The following ZNF131 variants were observed in gnomAD, a reference collection of about 807,000 sequenced individuals.
ZNF131 encodes the protein zinc finger and BTB domain containing 35.
In ZNF131, 7 loss-of-function variants were observed where a neutral mutation model predicts 60.0. The ratio of observed to expected loss-of-function variants is 0.12; its 90% confidence interval spans 0.07 to 0.22. The LOEUF is 0.22. Ranked by LOEUF, ZNF131 falls within the 10% of genes least tolerant of loss-of-function variation. The probability of loss-of-function intolerance (pLI) is 1.00; values close to 1 mark genes in which losing one functional copy is unlikely to be tolerated. For missense variants in ZNF131, 493 were observed against 740.9 expected, an observed-to-expected ratio of 0.67 and a Z score of 3.88; for synonymous variants, 257 against 253.2, an observed-to-expected ratio of 1.01 and a Z score of -0.14.
intron 3 of ZNF131, among the ~76,000 whole-genome samples, chr5:43,126,206 G>A (rs1744527956): frequency 6.6e-6 from 1 of 152,164 alleles, no homozygotes; most frequent in Non-Finnish European, 1.5e-5. Flanking sequence ...TAATTTTGGA[G>A]TATGTCATGG....
intron 3 of ZNF131, among the ~76,000 whole-genome samples, chr5:43,130,264 C>CGAAAAAAAA (rs1745144986): frequency 1.5e-5 from 1 of 68,406 alleles, no homozygotes; most frequent in Non-Finnish European, 2.7e-5. Context: ...ACTCTGTCTC[C>CGAAAAAAAA]AAAAAAAAAA....
At chr5:43,144,872 C>T (rs1207598514) in intron 4 of ZNF131, among the ~76,000 whole-genome samples, 1 of 151,542 alleles carries the variant, frequency 6.6e-6, no homozygotes, top group Non-Finnish European at 1.5e-5. Context: ...TTGTTCATGG[C>T]AAAATTTTAC....
intron 4 of ZNF131, among the ~76,000 whole-genome samples, chr5:43,146,775 G>A (rs1316775312): frequency 1.3e-5 from 2 of 151,982 alleles, no homozygotes; most frequent in African/African-American, 2.4e-5. Flanking sequence ...ACATGGTGGC[G>A]TGCGCCTATA....
chr5:43,164,653 C>CA (rs1750133103), intron 5 of ZNF131, among the ~76,000 whole-genome samples: 1 of 152,148 alleles, frequency 6.6e-6, no homozygotes, highest in Non-Finnish European at 1.5e-5. Flanking sequence ...GAAAATAGGA[C>CA]AACACGGACC....
intron 3 of ZNF131, among the ~76,000 whole-genome samples, chr5:43,130,264 CAAAAAAAAA>C (rs570313526): frequency 1.5e-5 from 1 of 68,406 alleles, no homozygotes; most frequent in Admixed American, 2.1e-4. Context: ...ACTCTGTCTC[CAAAAAAAAA>C]AAAAAAAAAG....
In ZNF131 at chr5:43,161,412, G is replaced by A; in HGVS notation, c.535G>A (p.Val179Met). 6.2e-7 allele frequency: 1 copy of A among 1,614,250 alleles called. No homozygotes were observed. Among genetic ancestry groups the A allele is most frequent in the Non-Finnish European group, 8.5e-7 (1 of 1,180,040 alleles). ...AGAGATTGCCGAAGGCACCATTGAA[G>A]TGGAAGATGAAGGCATCGAAACATT... is the stretch of plus-strand genomic sequence containing the variant. ...EVEIAEGTIE[V>M]EDEGIETLEE... The change falls in exon 5 of 7, where the codon GTG (valine) becomes ATG (methionine). Residue 179 changes from valine (V) to methionine (M), a missense_variant. Physicochemically the swap from Val to Met is conservative, Grantham distance 21. This residue lies in a region of ZNF131 where 138 missense variants were observed against 158.7 expected (regional missense o/e 0.87). Transcript: ENST00000682664.
At chr5:43,164,416 T>A (rs1750110794) in intron 5 of ZNF131, among the ~76,000 whole-genome samples, 1 of 152,254 alleles carries the variant, frequency 6.6e-6, no homozygotes, top group Non-Finnish European at 1.5e-5. Context: ...AATAATAGTC[T>A]GTTGGTGAAC....
At position 43,175,169 on chromosome 5, in the gene ZNF131, G is replaced by T; in HGVS notation, c.*36G>T. The T allele has an allele frequency of 6.5e-7, 1 of 1,544,494 alleles. No individual in the cohort carries two copies. Among genetic ancestry groups the T allele is most frequent in the South Asian group, 1.2e-5 (1 of 80,070 alleles). On this transcript the variant is annotated 3_prime_UTR_variant, in exon 7 of 7. Coordinates refer to ENST00000682664, the MANE Select transcript of ZNF131 (RefSeq NM_001330707.2). Reference sequence around the variant, plus strand: ...GAATATATTTTTAAATTTACTTGTTGGGTTTTTGAACTGATTATGGGCAGT... The same window carrying T: ...GAATATATTTTTAAATTTACTTGTTTGGTTTTTGAACTGATTATGGGCAGT...
At chr5:43,151,223 T>G (rs1748267298) in intron 4 of ZNF131, among the ~76,000 whole-genome samples, 1 of 152,186 alleles carries the variant, frequency 6.6e-6, no homozygotes, top group South Asian at 2.1e-4. Flanking sequence ...GTTGTACCAC[T>G]TTTTTAATTG....
intron 5 of ZNF131, among the ~76,000 whole-genome samples, chr5:43,163,111 T>G (rs550981354): frequency 2.0e-5 from 3 of 151,200 alleles, no homozygotes; most frequent in African/African-American, 7.3e-5. Flanking sequence ...AAGCTGGGAC[T>G]ACAGGCGAGC....
Position 43,175,294 on chromosome 5 carries a change from C to A in ZNF131, c.*161C>A. On this transcript the variant is annotated 3_prime_UTR_variant, in exon 7 of 7. Coordinates refer to ENST00000682664, the MANE Select transcript of ZNF131 (RefSeq NM_001330707.2). ...CCGTTGAAACACATTGATTCCCCTC[C>A]CCCTACTTATTGCCACAGAGGAGGG... is the stretch of plus-strand genomic sequence containing the variant. 3 of 750,850 alleles carry A rather than the reference C, an allele frequency of 4.0e-6. No individual in the cohort carries two copies. The highest frequency in any genetic ancestry group is 3.4e-5 in the South Asian group (2 of 58,960). The allele number at this position is 750,850 out of a possible 1,614,324, so 46.5% of individuals were successfully genotyped here.
chr5:43,139,879 G>C (rs1288464197), intron 4 of ZNF131, among the ~76,000 whole-genome samples: 1 of 152,098 alleles, frequency 6.6e-6, no homozygotes, highest in Non-Finnish European at 1.5e-5. Flanking sequence ...TTGCTGAGGA[G>C]CCATTCCTAT....
intron 4 of ZNF131, chr5:43,143,259 G>A (rs377178161): frequency 2.0e-6 from 1 of 509,824 alleles, no homozygotes; most frequent in Non-Finnish European, 2.7e-6. Flanking sequence ...TTTACCTTGT[G>A]ATCTGCCCGC....
intron 5 of ZNF131, among the ~76,000 whole-genome samples, chr5:43,172,334 A>C (rs947055259): frequency 6.6e-6 from 1 of 152,032 alleles, no homozygotes. Flanking sequence ...CTTAACCCCT[A>C]ATTTGGCCAG....
chr5:43,144,992 T>C (rs1327473170), intron 4 of ZNF131, among the ~76,000 whole-genome samples: 2 of 152,062 alleles, frequency 1.3e-5, no homozygotes, highest in Admixed American at 1.3e-4. Context: ...TTTTATGTTT[T>C]ACATTTTCCA....
At chr5:43,161,158 A>G (rs1000444890) in intron 4 of ZNF131, 91 bp from the exon 5 acceptor site, 9 of 1,181,686 alleles carry the variant, frequency 7.6e-6, no homozygotes, top group Non-Finnish European at 9.6e-6. Context: ...AACTGTTTAT[A>G]TAAATTTTAT....
In ZNF131 at chr5:43,160,188, CA is replaced by C. The variant is rs113454923; in HGVS notation, c.372-1050del. Among the ~76,000 whole-genome samples, 34 of 124,992 alleles carry C rather than the reference CA, an allele frequency of 2.7e-4. 1 individual carries two copies. The highest frequency in any genetic ancestry group is 6.4e-4 in the African/African-American group (22 of 34,598). The allele number at this position is 124,992 out of a possible 152,430, so 82.0% of individuals were successfully genotyped here. A position where few individuals can be genotyped will look rare whatever the true frequency, so the allele number is the denominator to read the frequency against. On this transcript the variant is annotated intron_variant, in intron 4 of 6. Transcript: ENST00000682664. ...GAGACTCCATCTCAAAAAAACAAAA[CA>C]AAAAAAAAAACAAAAAAAGAAGAAA...
intron 3 of ZNF131, among the ~76,000 whole-genome samples, chr5:43,133,716 A>G (rs1005868143): frequency 2.0e-5 from 3 of 152,216 alleles, no homozygotes; most frequent in African/African-American, 7.2e-5. Flanking sequence ...TGAAATTGTA[A>G]TTTTTTGAAT....
chr5:43,153,738 C>T (rs1179073476), intron 4 of ZNF131, among the ~76,000 whole-genome samples: 1 of 152,098 alleles, frequency 6.6e-6, no homozygotes, highest in Non-Finnish European at 1.5e-5. Flanking sequence ...CATCATTATC[C>T]ACGAAGTAGC....
Sources: gnomAD v4.1 joint callset for allele counts (sites outside exome capture counted in the v4.1 genomes callset) on GRCh38, gnomAD v4.1.1 for gene constraint, gnomAD v4.1.1 regional missense constraint, MANE v1.5 for transcripts, NCBI Gene and HGNC (gene_info 2026-07-23, HGNC 2026-07-21) for gene names.